Variants in NPFFR2 observed in about 807,000 individuals in gnomAD.
NPFFR2 encodes G-protein coupled receptor 74.
In NPFFR2, 15 loss-of-function variants were observed where a neutral mutation model predicts 13.1. The ratio of observed to expected loss-of-function variants is 1.15; its 90% CI spans 0.77 to 1.76. The LOEUF is 1.76. Among genes scored for constraint, NPFFR2 ranks in the 40% most tolerant of loss-of-function variants. NPFFR2 has a pLI of 0.00. For synonymous variants in NPFFR2, 190 were observed against 175.7 expected (o/e 1.08, Z -0.65); for missense variants, 572 against 503.5 (o/e 1.14, Z -1.30).
At chr4:72,097,502 G>A (rs1210957241) in intron 1 of NPFFR2, among the ~76,000 whole-genome samples, 1 of 152,044 alleles carries the variant, frequency 6.6e-6, no homozygotes, top group African/African-American at 2.4e-5. Context: ...TAATAAAATT[G>A]GTCTGTGAGT....
In NPFFR2 at chr4:72,146,987, T is replaced by A. The variant is rs1722799548; in HGVS notation, c.438T>A (p.Cys146Ter). ...TTGTGTTTAATTGCAGGTTCCAGTG[T>A]GTGGTCTACCCTTTTAAACCAAAGC... ...LVAIAVDRFQ[C>*]VVYPFKPKLT... is the part of the protein sequence containing the mutation. The change falls in exon 4 of 4, where the codon TGT becomes TGA. Residue 146 changes from cysteine (C) to a stop codon, truncating the protein, a stop_gained. Coordinates refer to ENST00000308744, the MANE Select transcript of NPFFR2 (RefSeq NM_004885.3). LOFTEE classifies it low-confidence loss of function (END_TRUNC). The A allele has an allele frequency of 6.2e-7, 1 of 1,607,846 alleles. No homozygotes were observed. The highest frequency in any genetic ancestry group is 8.5e-7 in the Non-Finnish European group (1 of 1,175,642).
chr4:72,043,551 G>A (rs1719293785), intron 1 of NPFFR2, among the ~76,000 whole-genome samples: 1 of 152,252 alleles, frequency 6.6e-6, no homozygotes, highest in Non-Finnish European at 1.5e-5. Flanking sequence ...TGACCTGGAT[G>A]TGAGACATGG....
intron 1 of NPFFR2, among the ~76,000 whole-genome samples, chr4:72,102,821 G>A (rs898728282): frequency 1.4e-4 from 22 of 151,892 alleles, no homozygotes; most frequent in African/African-American, 4.1e-4. Context: ...GAATAGTGCC[G>A]CAGGAAACAT....
At chr4:72,090,794 CTT>C (rs1031656188) in intron 1 of NPFFR2, among the ~76,000 whole-genome samples, 4 of 152,038 alleles carry the variant, frequency 2.6e-5, no homozygotes, top group Non-Finnish European at 5.9e-5. Flanking sequence ...TTTACTTTCT[CTT>C]TACCAATTTG....
At chr4:72,122,631 A>G (rs1319694795) in intron 1 of NPFFR2, among the ~76,000 whole-genome samples, 1 of 152,204 alleles carries the variant, frequency 6.6e-6, no homozygotes, top group Non-Finnish European at 1.5e-5. Flanking sequence ...TAGAAACCGA[A>G]CATTCTGCTC....
intron 3 of NPFFR2, among the ~76,000 whole-genome samples, chr4:72,138,527 T>C (rs1165787299): frequency 6.6e-6 from 1 of 151,844 alleles, no homozygotes; most frequent in Non-Finnish European, 1.5e-5. Context: ...TTTTCTGTCC[T>C]TGTGATAGTT....
chr4:72,040,939 T>TATATAC (rs1719198096), intron 1 of NPFFR2, among the ~76,000 whole-genome samples: 1 of 149,942 alleles, frequency 6.7e-6, no homozygotes, highest in Admixed American at 6.7e-5. Context: ...TATATATATA[T>TATATAC]ATATTCATTT....
intron 1 of NPFFR2, among the ~76,000 whole-genome samples, chr4:72,057,753 T>C (rs947508355): frequency 9.2e-5 from 14 of 152,112 alleles, no homozygotes; most frequent in African/African-American, 3.1e-4. Flanking sequence ...AATATACTTA[T>C]TAAGTGCCAA....
intron 2 of NPFFR2, among the ~76,000 whole-genome samples, chr4:72,137,636 G>A (rs1722457909): frequency 6.6e-6 from 1 of 152,100 alleles, no homozygotes; most frequent in African/African-American, 2.4e-5. Flanking sequence ...CAGAGTCAAT[G>A]GTTTAGACTC....
intron 1 of NPFFR2, among the ~76,000 whole-genome samples, chr4:72,053,033 G>A (rs4235100): frequency 0.89 from 135,146 of 151,562 alleles, 61,344 homozygotes; most frequent in Non-Finnish European, 0.98. Flanking sequence ...GATTGATATC[G>A]TGTGCCTCCC....
At chr4:72,038,874 T>G (rs1719112320) in intron 1 of NPFFR2, among the ~76,000 whole-genome samples, 1 of 151,020 alleles carries the variant, frequency 6.6e-6, no homozygotes, top group African/African-American at 2.4e-5. Flanking sequence ...CATAATGTTG[T>G]TTTTTAATTC....
At chr4:72,122,238 C>A (rs1234932020) in intron 1 of NPFFR2, among the ~76,000 whole-genome samples, 1 of 152,102 alleles carries the variant, frequency 6.6e-6, no homozygotes, top group Non-Finnish European at 1.5e-5. Context: ...TACAGGAGCA[C>A]CCAGATTCAT....
intron 1 of NPFFR2, among the ~76,000 whole-genome samples, chr4:72,060,626 A>G (rs929881331): frequency 3.9e-5 from 6 of 152,180 alleles, no homozygotes; most frequent in Admixed American, 3.9e-4. Context: ...GTAAAACAGT[A>G]TATTAAATTC....
chr4:72,117,204 C>T (rs1223376116), intron 1 of NPFFR2, among the ~76,000 whole-genome samples: 1 of 152,134 alleles, frequency 6.6e-6, no homozygotes, highest in African/African-American at 2.4e-5. Context: ...AGTAAATCAG[C>T]TTGCATGAAC....
At chr4:72,065,092 A>G (rs1435385426) in intron 1 of NPFFR2, among the ~76,000 whole-genome samples, 2 of 143,246 alleles carry the variant, frequency 1.4e-5, no homozygotes, top group Non-Finnish European at 3.0e-5. Context: ...TTGCTCAGAG[A>G]AAAAAAAAAA....
intron 1 of NPFFR2, among the ~76,000 whole-genome samples, chr4:72,088,209 T>G (rs768805144): frequency 6.6e-5 from 10 of 151,544 alleles, no homozygotes; most frequent in African/African-American, 4.9e-5. Context: ...TTTTGTATGA[T>G]TATTAGTTAG....
chr4:72,049,938 C>T (rs1004516848), intron 1 of NPFFR2, among the ~76,000 whole-genome samples: 5 of 151,966 alleles, frequency 3.3e-5, no homozygotes, highest in South Asian at 2.1e-4. Flanking sequence ...TTTATGTCAA[C>T]GAAGTGACTT....
At chr4:72,044,298 C>G (rs1336460249) in intron 1 of NPFFR2, among the ~76,000 whole-genome samples, 1 of 152,104 alleles carries the variant, frequency 6.6e-6, no homozygotes, top group East Asian at 1.9e-4. Context: ...GAAATGTATT[C>G]CCTGGGTTGT....
Position 72,032,054 on chromosome 4 carries a change from C to T in NPFFR2, c.-154C>T. The stretch of plus-strand genomic sequence containing the variant: ...CCTGGAGCGGAAGCCTGGAGTGGAG[C>T]AGGCAGTCCGCGGGGGACAGACGTC... On this transcript the variant is annotated 5_prime_UTR_variant, in exon 1 of 4. Transcript: ENST00000308744. 2 of 1,614,058 alleles carry T rather than the reference C, an allele frequency of 1.2e-6. No homozygotes were observed. The highest frequency in any genetic ancestry group is 1.7e-6 in the Non-Finnish European group (2 of 1,179,982).
Sources: gnomAD v4.1 joint callset for allele counts (sites outside exome capture counted in the v4.1 genomes callset) on GRCh38, gnomAD v4.1.1 for gene constraint, MANE v1.5 for transcripts, NCBI Gene and HGNC (gene_info 2026-07-23, HGNC 2026-07-21) for gene names.